Variants in C3orf49 observed in about 807,000 individuals in gnomAD.
C3orf49 encodes the protein chromosome 3 open reading frame 49.
In C3orf49, 27 loss-of-function variants were observed where a neutral mutation model predicts 13.3. The ratio of observed to expected loss-of-function variants is 2.02; its 90% CI spans 1.49 to 2.79. The LOEUF (loss-of-function observed/expected upper bound fraction) is 2.79, where lower values mean the gene tolerates loss of function less well. Among genes scored for constraint, C3orf49 ranks in the 30% most tolerant of loss-of-function variants. C3orf49 has a pLI of 0.00. For synonymous variants in C3orf49, 87 were observed against 47.6 expected, an observed-to-expected ratio of 1.83 and a Z score of -3.40; for missense variants, 242 against 134.2, an observed-to-expected ratio of 1.80 and a Z score of -3.97.
intron 5 of C3orf49, among the ~76,000 whole-genome samples, chr3:63,844,362 T>C (rs949314103): frequency 3.3e-5 from 5 of 152,202 alleles, no homozygotes; most frequent in Admixed American, 2.0e-4. Context: ...TGTGATATGC[T>C]CTCACCACAA....
chr3:63,812,238 G>A, the C3orf49 span, among the ~76,000 whole-genome samples: 1 of 152,114 alleles, frequency 6.6e-6, no homozygotes, highest in Non-Finnish European at 1.5e-5. Context: ...AAATTGTCTT[G>A]GACCACACAT....
At chr3:63,788,514 A>C in the C3orf49 span, among the ~76,000 whole-genome samples, 1 of 152,298 alleles carries the variant, frequency 6.6e-6, no homozygotes, top group South Asian at 2.1e-4. Context: ...AGGAAGGATA[A>C]GGAAAGAAAG....
At chr3:63,847,079 C>T (rs1198987005) in intron 6 of C3orf49, among the ~76,000 whole-genome samples, 2 of 152,128 alleles carry the variant, frequency 1.3e-5, no homozygotes, top group South Asian at 2.1e-4. Context: ...CGAAGAATTG[C>T]GTAGGCGAAT....
rs1332235553 is a variant in C3orf49, at chr3:63,823,606, C to A, written c.445+37C>A. 8.9e-6 allele frequency: 6 copies of A among 671,556 alleles called. No homozygotes were observed. In the East Asian group the frequency reaches 1.4e-4, roughly 15 times the overall value. The allele number at this position is 671,556 out of a possible 1,614,324, so 41.6% of individuals were successfully genotyped here. Reference sequence around the variant, plus strand: ...TGGGCAATTTGTCTTTGGGTTGAGGCCAAGAGGAAGAGTGAAATTAGGATG... The same window carrying A: ...TGGGCAATTTGTCTTTGGGTTGAGGACAAGAGGAAGAGTGAAATTAGGATG... On this transcript the variant is annotated intron_variant, in intron 2 of 6. Coordinates refer to ENST00000295896, the MANE Select transcript of C3orf49 (RefSeq NM_001355236.2).
the C3orf49 span, among the ~76,000 whole-genome samples, chr3:63,810,017 G>A: frequency 6.6e-6 from 1 of 151,870 alleles, no homozygotes; most frequent in Non-Finnish European, 1.5e-5. Context: ...GGGCATGGTG[G>A]TGCCTGTAAT....
chr3:63,817,117 C>T (rs372940944), upstream of C3orf49, among the ~76,000 whole-genome samples: 5 of 152,000 alleles, frequency 3.3e-5, no homozygotes, highest in East Asian at 1.9e-4. Flanking sequence ...CTTCCACCTC[C>T]GGGCTTTGGC....
upstream of C3orf49, among the ~76,000 whole-genome samples, chr3:63,814,817 C>A (rs930560418): frequency 1.3e-5 from 2 of 152,076 alleles, no homozygotes; most frequent in African/African-American, 4.8e-5. Flanking sequence ...CTCTACTCAC[C>A]CCCTATAGTA....
chr3:63,813,643 G>A, the C3orf49 span, among the ~76,000 whole-genome samples: 3 of 152,202 alleles, frequency 2.0e-5, no homozygotes, highest in African/African-American at 7.2e-5. Context: ...CTTCTGGGGA[G>A]TTCACCCCTT....
rs554311695 is a variant in C3orf49 at position 63,829,798 on chromosome 3, A to G, written c.571-1312A>G. On this transcript the variant is annotated intron_variant, in intron 3 of 6. Coordinates refer to ENST00000295896, the MANE Select transcript of C3orf49 (RefSeq NM_001355236.2). ...CAACATGGCAAAACCCCATCTCTACAAAAAAAAAATGTAAAAATTAGCTGG... is the reference window on the plus strand; with the variant it reads ...CAACATGGCAAAACCCCATCTCTACGAAAAAAAAATGTAAAAATTAGCTGG... Among the ~76,000 whole-genome samples the G allele has an allele frequency of 3.4e-5, 5 of 147,490 alleles. No homozygotes were observed. In the East Asian group the frequency reaches 7.9e-4, roughly 23 times the overall value.
the C3orf49 span, among the ~76,000 whole-genome samples, chr3:63,814,169 G>A: frequency 6.6e-6 from 1 of 152,154 alleles, no homozygotes. Flanking sequence ...ATCACCTTTA[G>A]GAGCACTGAT....
intron 2 of C3orf49, among the ~76,000 whole-genome samples, chr3:63,826,079 G>A (rs1375874145): frequency 6.6e-6 from 1 of 152,184 alleles, no homozygotes; most frequent in African/African-American, 2.4e-5. Flanking sequence ...GAAATCCAGT[G>A]GAGGTTGGAA....
chr3:63,834,176 C>T, intron 5 of C3orf49: 1 of 1,614,036 alleles, frequency 6.2e-7, no homozygotes, highest in Non-Finnish European at 8.5e-7. Context: ...TGAGCTTCTT[C>T]TACCTCTGAG....
the C3orf49 span, among the ~76,000 whole-genome samples, chr3:63,788,876 C>T: frequency 1.3e-5 from 2 of 152,064 alleles, no homozygotes; most frequent in Non-Finnish European, 2.9e-5. Context: ...ATGTCTAGTT[C>T]GGTTGATCGA....
At chr3:63,804,428 C>T in the C3orf49 span, among the ~76,000 whole-genome samples, 1 of 152,164 alleles carries the variant, frequency 6.6e-6, no homozygotes, top group Non-Finnish European at 1.5e-5. Flanking sequence ...TTCTCTTTGG[C>T]TCCTGTCACA....
upstream of C3orf49, among the ~76,000 whole-genome samples, chr3:63,814,523 T>A (rs557844958): frequency 6.6e-6 from 1 of 152,280 alleles, no homozygotes; most frequent in Non-Finnish European, 1.5e-5. Context: ...ATCTCAGACA[T>A]GTTCAAAGGA....
At chr3:63,843,206 TCTC>T (rs1415840066) in intron 5 of C3orf49, among the ~76,000 whole-genome samples, 2 of 151,846 alleles carry the variant, frequency 1.3e-5, no homozygotes, top group Non-Finnish European at 2.9e-5. Flanking sequence ...GCAACCTCTA[TCTC>T]CTGGGTTCAA....
chr3:63,795,677 T>C, the C3orf49 span, among the ~76,000 whole-genome samples: 1 of 152,176 alleles, frequency 6.6e-6, no homozygotes, highest in East Asian at 1.9e-4. Flanking sequence ...TAATTCCACA[T>C]TGACACTCCA....
chr3:63,831,463 G>T (rs1213036304), intron 4 of C3orf49, among the ~76,000 whole-genome samples: 3 of 152,192 alleles, frequency 2.0e-5, no homozygotes, highest in Non-Finnish European at 4.4e-5. Context: ...CATATACATA[G>T]GTTTCTTTTC....
the C3orf49 span, among the ~76,000 whole-genome samples, chr3:63,802,020 A>G: frequency 2.0e-5 from 3 of 152,230 alleles, no homozygotes; most frequent in African/African-American, 7.2e-5. Flanking sequence ...TTAAGTCTCC[A>G]TCTGGCAGAT....
Sources: gnomAD v4.1 joint callset for allele counts (sites outside exome capture counted in the v4.1 genomes callset) on GRCh38, gnomAD v4.1.1 for gene constraint, MANE v1.5 for transcripts, NCBI Gene and HGNC (gene_info 2026-07-23, HGNC 2026-07-21) for gene names.